Variants in EPHA10 observed in about 807,000 individuals in gnomAD.
EPHA10 encodes ephrin type-A receptor 10.
Under a neutral mutation model 109.7 loss-of-function variants are expected in EPHA10, and 120 were observed. That is an observed-to-expected ratio of 1.09 (90% CI 0.94 to 1.27). The LOEUF (loss-of-function observed/expected upper bound fraction) is 1.27. Ranked by LOEUF, EPHA10 falls within the 50% of genes most tolerant of loss-of-function variation. The pLI, the probability that EPHA10 is intolerant of heterozygous loss-of-function variation, is 0.00. For synonymous variants in EPHA10, 640 were observed against 618.9 expected, an observed-to-expected ratio of 1.03 and a Z score of -0.51; for missense variants, 1,396 against 1,411.1, an observed-to-expected ratio of 0.99 and a Z score of 0.17.
chr1:37,737,931 G>GTTTTT (rs1557545415), intron 5 of EPHA10: 3 of 55,948 alleles, frequency 5.4e-5, no homozygotes, highest in Admixed American at 2.5e-4. Context: ...ATAACTGTAG[G>GTTTTT]CTTTTTTTTT....
At chr1:37,726,526 A>G (rs508133) in intron 8 of EPHA10, among the ~76,000 whole-genome samples, 58,343 of 152,110 alleles carry the variant, frequency 0.38, 11,483 homozygotes, top group African/African-American at 0.47. Flanking sequence ...TACATGGCAG[A>G]AGGCCTCTGC....
At chr1:37,719,361 G>A (rs1331778843) in intron 15 of EPHA10, 53 bp downstream of exon 15, 54 of 1,585,200 alleles carry the variant, frequency 3.4e-5, no homozygotes, top group Non-Finnish European at 4.2e-5. Flanking sequence ...GCAACATGCA[G>A]GGAGGCCCTC....
In EPHA10 at chr1:37,754,257, A is replaced by G; in HGVS notation, c.964T>C (p.Tyr322His). 7.6e-7 allele frequency: 1 copy of G among 1,323,640 alleles called. No individual in the cohort carries two copies. The highest frequency in any genetic ancestry group is 9.7e-7 in the Non-Finnish European group (1 of 1,030,868). 82.0% of individuals were successfully genotyped at this position (1,323,640 alleles called of 1,614,324 possible). A position where few individuals can be genotyped will look rare whatever the true frequency, so the allele number is the denominator to read the frequency against. ...GGCGGGTCGGTGGGTGAGCGCGCAT[A>G]GCTGTCCTGGCACACGCAGAAGGTG... is the stretch of plus-strand genomic sequence containing the variant. ...ASTFCVCQDS[Y>H]ARSPTDPPSA... The change falls in exon 4 of 17, where the codon TAT becomes CAT. Residue 322 changes from tyrosine (Y) to histidine (H), a missense_variant. Coordinates refer to ENST00000373048, the MANE Select transcript of EPHA10 (RefSeq NM_001099439.2). This position sits in a 1 kb window ranked among gnomAD's most constrained non-coding sequence, Gnocchi z 4.5.
At position 37,720,838 on chromosome 1, in the gene EPHA10, G is replaced by GT; in HGVS notation, c.2152dup (p.Thr718AsnfsTer111). 6.2e-7 allele frequency: 1 copy of GT among 1,614,070 alleles called. No homozygotes were observed. The highest frequency in any genetic ancestry group is 8.5e-7 in the Non-Finnish European group (1 of 1,180,016). ...CATGTACTCGGTGACAATCATCAAGGTGCTTCCTGTGCCCAGGGATGGGAA... is the reference window on the plus strand; with the variant it reads ...CATGTACTCGGTGACAATCATCAAGGTTGCTTCCTGTGCCCAGGGATGGGAA... On this transcript the variant is annotated frameshift_variant, in exon 12 of 17. Transcript: ENST00000373048. LOFTEE classifies it high-confidence loss of function.
At chr1:37,739,053 C>T (rs1403362892) in intron 5 of EPHA10, among the ~76,000 whole-genome samples, 4 of 151,832 alleles carry the variant, frequency 2.6e-5, no homozygotes, top group Admixed American at 1.3e-4. Context: ...CTAATGTAAA[C>T]GACGAGTTGA....
At chr1:37,751,190 G>T (rs1456937026) in intron 5 of EPHA10, among the ~76,000 whole-genome samples, 2 of 104,816 alleles carry the variant, frequency 1.9e-5, no homozygotes, top group African/African-American at 3.9e-5. Flanking sequence ...GCAACAGAGC[G>T]AGACTCCTCT....
chr1:37,760,571 G>T, intron 3 of EPHA10: 1 of 450,522 alleles, frequency 2.2e-6, no homozygotes, highest in Non-Finnish European at 3.1e-6. Flanking sequence ...TTTGGTCCGT[G>T]ACTGGGAGAT....
intron 7 of EPHA10, among the ~76,000 whole-genome samples, chr1:37,731,075 G>A (rs564327435): frequency 6.6e-6 from 1 of 152,256 alleles, no homozygotes; most frequent in South Asian, 2.1e-4. Flanking sequence ...CACGCTCTAA[G>A]GCCTAGTGGG....
At chr1:37,713,948 A>G (rs1274862884), downstream of EPHA10, 2 of 152,180 alleles carry the variant, frequency 1.3e-5, no homozygotes, top group African/African-American at 2.4e-5. Context: ...ACTGGGATGC[A>G]TCTTTCAGTT....
rs1646437481 is a variant in EPHA10, at chr1:37,762,001, T to C, written c.254A>G (p.Asp85Gly). ...QVCNVLEPNQ[D>G]NWLQTGWISR... ...TATCCAGCCAGTCTGCAGCCAGTTG[T>C]CCTGGTTGGGCTCCAGCACATTGCA... The change falls in exon 3 of 17, where the codon GAC (aspartate) becomes GGC (glycine). Residue 85 changes from aspartate to glycine, a missense_variant. Asp to Gly is a moderately conservative substitution (Grantham distance 94, BLOSUM62 -1). Transcript: ENST00000373048. 3 of 1,614,078 alleles carry C rather than the reference T, an allele frequency of 1.9e-6. No homozygotes were observed. The Admixed American group carries it at 5.0e-5, about 27-fold the overall frequency.
In EPHA10 at chr1:37,720,797, C is replaced by T; in HGVS notation, c.2194G>A (p.Asp732Asn). The change falls in exon 12 of 17, where the codon GAC becomes AAC. Residue 732 changes from aspartate (D) to asparagine (N), a missense_variant. Coordinates refer to ENST00000373048, the MANE Select transcript of EPHA10 (RefSeq NM_001099439.2). ...VTEYMSHGAL[D>N]GFLRRHEGQL... Reference sequence around the variant, plus strand: ...GGGCCACTCACCCTGAGGAAGCCGTCCAGGGCCCCATGGCTCATGTACTCG... The same window carrying T: ...GGGCCACTCACCCTGAGGAAGCCGTTCAGGGCCCCATGGCTCATGTACTCG... The T allele has an allele frequency of 1.9e-6, 3 of 1,614,110 alleles. No individual in the cohort carries two copies. The highest frequency in any genetic ancestry group is 2.5e-6 in the Non-Finnish European group (3 of 1,180,018).
chr1:37,723,263 G>A (rs984798715), intron 9 of EPHA10, 48 bp downstream of exon 9: 2 of 1,610,004 alleles, frequency 1.2e-6, no homozygotes, highest in East Asian at 2.2e-5. Context: ...GCTGAGGAGT[G>A]AGGCAGGGTG....
At chr1:37,762,492 TCTA>T (rs1646442257) in intron 2 of EPHA10, among the ~76,000 whole-genome samples, 1 of 152,138 alleles carries the variant, frequency 6.6e-6, no homozygotes, top group African/African-American at 2.4e-5. Flanking sequence ...GCTTGGAGGA[TCTA>T]CTACTATGTG....
At position 37,720,452 on chromosome 1, in the gene EPHA10, G is replaced by T. The variant is rs1180266214; in HGVS notation, c.2311C>A (p.Leu771Met). 1 of 1,613,520 alleles carries T rather than the reference G, an allele frequency of 6.2e-7. No homozygotes were observed. Among genetic ancestry groups the T allele is most frequent in the Non-Finnish European group, 8.5e-7 (1 of 1,180,026 alleles). Residue 771 changes from leucine to methionine, a missense_variant, in exon 13 of 17, where the codon CTG becomes ATG. Transcript: ENST00000373048. ...LSEMGYVHRG[L>M]AARHVLVSSD... ...CTGACCAGCACATGGCGAGCTGCCA[G>T]GCCCCGGTGAACGTAGCCCATCTCT...
At chr1:37,722,855 A>C in intron 10 of EPHA10, 186 bp downstream of exon 10, 1 of 842,154 alleles carries the variant, frequency 1.2e-6, no homozygotes, top group Non-Finnish European at 1.9e-6. Flanking sequence ...TCTTCCCTAT[A>C]ATCAGGCAAG....
intron 5 of EPHA10, among the ~76,000 whole-genome samples, chr1:37,743,893 G>C (rs1646192041): frequency 7.8e-6 from 1 of 128,876 alleles, no homozygotes; most frequent in Middle Eastern, 3.9e-3. Context: ...TGTATATATA[G>C]ATAGATATAG....
At chr1:37,736,301 C>A (rs1037838282) in intron 5 of EPHA10, among the ~76,000 whole-genome samples, 52 of 151,964 alleles carry the variant, frequency 3.4e-4, no homozygotes, top group African/African-American at 1.2e-3. Context: ...AATGGTGAAA[C>A]CCTGTCTCTG....
intron 3 of EPHA10, among the ~76,000 whole-genome samples, chr1:37,755,998 T>C (rs1203607761): frequency 6.6e-6 from 1 of 152,184 alleles, no homozygotes; most frequent in East Asian, 1.9e-4. Context: ...GACTAGGATT[T>C]CCACTGTCTG....
intron 5 of EPHA10, among the ~76,000 whole-genome samples, chr1:37,741,830 C>A (rs569905697): frequency 1.3e-5 from 2 of 151,742 alleles, no homozygotes; most frequent in African/African-American, 4.8e-5. Context: ...GAGCTGCTTT[C>A]GAGGAAGAGT....
Sources: gnomAD v4.1 joint callset for allele counts (sites outside exome capture counted in the v4.1 genomes callset) on GRCh38, gnomAD v4.1.1 for gene constraint, Gnocchi (gnomAD v3.1) non-coding constraint, MANE v1.5 for transcripts, NCBI Gene and HGNC (gene_info 2026-07-23, HGNC 2026-07-21) for gene names.